AGBL1: variants seen among roughly 807,000 people sequenced by gnomAD.
The protein encoded by AGBL1 is cytosolic carboxypeptidase 4.
A neutral mutation model predicts 118.9 loss-of-function variants in AGBL1; 130 were observed. The ratio of observed to expected loss-of-function variants is 1.09; its 90% CI spans 0.95 to 1.26. AGBL1 has a LOEUF of 1.26. Ranked by LOEUF, AGBL1 falls within the 50% of genes most tolerant of loss-of-function variation. AGBL1 has a pLI of 0.00. For missense variants in AGBL1, 1,584 were observed against 1,298.1 expected (o/e 1.22, Z -3.38); for synonymous variants, 555 against 478.9 (o/e 1.16, Z -2.08).
intron 21 of AGBL1, among the ~76,000 whole-genome samples, chr15:86,606,654 T>A (rs1352936990): frequency 6.6e-6 from 1 of 152,292 alleles, no homozygotes; most frequent in African/African-American, 2.4e-5. Flanking sequence ...TGATTAAAGA[T>A]AATTAACAGG....
At chr15:86,160,162 G>A (rs1377155399) in intron 5 of AGBL1, among the ~76,000 whole-genome samples, 1 of 107,424 alleles carries the variant, frequency 9.3e-6, no homozygotes, top group Non-Finnish European at 1.8e-5. Flanking sequence ...AGTGTTCTAT[G>A]TCTCTCATTT....
At position 86,780,763 on chromosome 15, in the gene AGBL1, A is replaced by T. The variant is rs561233685; in HGVS notation, c.3158+106327A>T. ...ACTGCGACTTCCACCTCCCGGGTTC[A>T]AGCAATTCTCCTGCCTCAGTCTCAA... On this transcript the variant is annotated intron_variant, in intron 22 of 22. Coordinates refer to ENST00000614907, the MANE Select transcript of AGBL1 (RefSeq NM_001386094.1). 7.3e-5 allele frequency among the ~76,000 whole-genome samples: 11 copies of T among 151,234 alleles called. No homozygotes were observed. In the South Asian group the frequency reaches 2.1e-3, roughly 29 times the overall value.
At chr15:86,487,398 G>C (rs2082727581) in intron 18 of AGBL1, among the ~76,000 whole-genome samples, 1 of 152,100 alleles carries the variant, frequency 6.6e-6, no homozygotes. Context: ...CCAATGTGCA[G>C]AACGATGGTG....
intron 21 of AGBL1, among the ~76,000 whole-genome samples, chr15:86,573,742 T>C (rs1439918901): frequency 6.6e-6 from 1 of 152,160 alleles, no homozygotes; most frequent in Non-Finnish European, 1.5e-5. Context: ...ACTGCTGGTA[T>C]TTCTATGAAG....
intron 17 of AGBL1, among the ~76,000 whole-genome samples, chr15:86,366,416 A>G (rs1159681672): frequency 6.6e-6 from 1 of 152,126 alleles, no homozygotes; most frequent in Non-Finnish European, 1.5e-5. Flanking sequence ...TGCTGATCCT[A>G]TTTTTAATCC....
intron 22 of AGBL1, among the ~76,000 whole-genome samples, chr15:86,826,536 A>G (rs1480336520): frequency 6.6e-6 from 1 of 152,146 alleles, no homozygotes; most frequent in African/African-American, 2.4e-5. Flanking sequence ...GGAGATCAAA[A>G]TTTCCAGAAG....
intron 20 of AGBL1, among the ~76,000 whole-genome samples, chr15:86,550,306 C>T (rs1007758402): frequency 3.2e-4 from 48 of 151,952 alleles, no homozygotes; most frequent in African/African-American, 7.7e-4. Flanking sequence ...TAAATATGAA[C>T]GAACAAACCC....
At chr15:86,784,702 C>T (rs562088757) in intron 22 of AGBL1, among the ~76,000 whole-genome samples, 2 of 152,218 alleles carry the variant, frequency 1.3e-5, no homozygotes, top group East Asian at 3.9e-4. Flanking sequence ...GCTTCTACTG[C>T]GTTATAAATT....
At chr15:86,350,155 C>A (rs1281664067) in intron 17 of AGBL1, among the ~76,000 whole-genome samples, 1 of 152,190 alleles carries the variant, frequency 6.6e-6, no homozygotes, top group Non-Finnish European at 1.5e-5. Context: ...ATGCTTAACA[C>A]TGTGCACCTC....
At chr15:86,607,631 C>G (rs1005873811) in intron 21 of AGBL1, among the ~76,000 whole-genome samples, 12 of 152,178 alleles carry the variant, frequency 7.9e-5, no homozygotes, top group Non-Finnish European at 1.5e-5. Flanking sequence ...TGGTATCTCA[C>G]TGTTGCTTGA....
At chr15:86,990,899 G>A (rs2081330969) in intron 24 of AGBL1, among the ~76,000 whole-genome samples, 1 of 152,146 alleles carries the variant, frequency 6.6e-6, no homozygotes, top group South Asian at 2.1e-4. Context: ...AGAATGGCAT[G>A]AATGCTTTAT....
chr15:86,503,321 T>A (rs1282503861), intron 18 of AGBL1, among the ~76,000 whole-genome samples: 1 of 151,378 alleles, frequency 6.6e-6, no homozygotes, highest in Non-Finnish European at 1.5e-5. Context: ...AATTTACATC[T>A]TTTCTTCCTT....
chr15:86,719,886 G>A (rs2086691270), intron 22 of AGBL1, among the ~76,000 whole-genome samples: 1 of 152,212 alleles, frequency 6.6e-6, no homozygotes, highest in Admixed American at 6.5e-5. Context: ...TCCAGCACAT[G>A]CTAGTGCTCT....
At chr15:86,736,198 T>C (rs537459769) in intron 22 of AGBL1, among the ~76,000 whole-genome samples, 210 of 152,202 alleles carry the variant, frequency 1.4e-3, no homozygotes, top group African/African-American at 4.9e-3. Context: ...CTGTCCAATA[T>C]GGTGAAACCC....
At chr15:86,483,411 G>A (rs1366872567) in intron 18 of AGBL1, among the ~76,000 whole-genome samples, 2 of 151,982 alleles carry the variant, frequency 1.3e-5, no homozygotes, top group South Asian at 2.1e-4. Flanking sequence ...CAAAGGTCTG[G>A]TTTATTTAAC....
In AGBL1 at chr15:86,914,425, A is replaced by T. The variant is rs2080393614; in HGVS notation, c.*7131A>T. 1 of 152,300 alleles carries T rather than the reference A, an allele frequency of 6.6e-6. No homozygotes were observed. The highest frequency in any genetic ancestry group is 1.5e-5 in the Non-Finnish European group (1 of 68,028). The allele number at this position is 152,300 out of a possible 1,614,324, so 9.4% of individuals were successfully genotyped here. ...AAATGAAGTGCACCCATACTTAAAG[A>T]GACACGTTTAGTAAATGATAGAGCT... On this transcript the variant is annotated 3_prime_UTR_variant, in exon 23 of 23. Coordinates refer to ENST00000614907, the MANE Select transcript of AGBL1 (RefSeq NM_001386094.1).
At chr15:86,971,052 G>A (rs114980062) in intron 23 of AGBL1, among the ~76,000 whole-genome samples, 225 of 152,062 alleles carry the variant, frequency 1.5e-3, no homozygotes, top group African/African-American at 5.0e-3. Flanking sequence ...TTGTGCATTC[G>A]TGAATTTTGG....
intron 17 of AGBL1, among the ~76,000 whole-genome samples, chr15:86,336,721 T>C (rs558712350): frequency 6.6e-6 from 1 of 152,356 alleles, no homozygotes; most frequent in South Asian, 2.1e-4. Flanking sequence ...CTTTTGCTTA[T>C]GGACACAAAC....
intron 5 of AGBL1, among the ~76,000 whole-genome samples, chr15:86,213,061 C>G (rs1597563667): frequency 6.6e-6 from 1 of 152,152 alleles, no homozygotes; most frequent in East Asian, 1.9e-4. Context: ...GGAGTGATCA[C>G]CAAATCATTG....
Sources: gnomAD v4.1 joint callset for allele counts (sites outside exome capture counted in the v4.1 genomes callset) on GRCh38, gnomAD v4.1.1 for gene constraint, MANE v1.5 for transcripts, NCBI Gene and HGNC (gene_info 2026-07-23, HGNC 2026-07-21) for gene names.